MCM8: variants seen among roughly 807,000 people sequenced by gnomAD.
The protein encoded by MCM8 is minichromosome maintenance 8 homologous recombination repair factor, also known as DNA helicase MCM8.
A neutral mutation model predicts 98.9 loss-of-function variants in MCM8; 85 were observed. That is an observed-to-expected ratio of 0.86 (90% CI 0.72 to 1.03). MCM8 has a LOEUF of 1.03. MCM8 is among the 50% of genes least tolerant of loss of function. MCM8 has a pLI of 0.00. For synonymous variants in MCM8, 352 were observed against 338.6 expected (o/e 1.04, Z -0.44); for missense variants, 951 against 997.8 (o/e 0.95, Z 0.63).
intron 13 of MCM8, among the ~76,000 whole-genome samples, chr20:5,980,273 A>G (rs2089602848): frequency 2.0e-5 from 3 of 151,880 alleles, no homozygotes; most frequent in Admixed American, 1.3e-4. Context: ...TTACTTTTTT[A>G]TTGCCTGGAC....
At chr20:5,986,846 A>T (rs1161726043) in intron 16 of MCM8, among the ~76,000 whole-genome samples, 1 of 152,196 alleles carries the variant, frequency 6.6e-6, no homozygotes, top group Admixed American at 6.5e-5. Flanking sequence ...GTTTGCCCTG[A>T]GTCAGGGTCT....
intron 11 of MCM8, among the ~76,000 whole-genome samples, 164 bp from the exon 12 acceptor site, chr20:5,972,892 C>T (rs756320405): frequency 3.9e-5 from 6 of 152,150 alleles, no homozygotes; most frequent in Non-Finnish European, 8.8e-5. Context: ...TAATCATTTA[C>T]GTGATAGAAG....
At chr20:5,953,441 GTGT>G (rs2088885713) in intron 3 of MCM8, among the ~76,000 whole-genome samples, 3 of 14,580 alleles carry the variant, frequency 2.1e-4, no homozygotes, top group East Asian at 0.083. Flanking sequence ...CATGAGGGGT[GTGT>G]GTGTGTGTGT....
In MCM8 at chr20:5,972,978, A is replaced by G. The variant is rs898992540; in HGVS notation, c.1255-78A>G. 28 of 1,467,538 alleles carry G rather than the reference A, an allele frequency of 1.9e-5. No individual in the cohort carries two copies. In the African/African-American group the frequency reaches 3.8e-4, roughly 20 times the overall value. 90.9% of individuals were successfully genotyped at this position (1,467,538 alleles called of 1,614,324 possible). ...CAATCCCCAAACAAATTAATATTAT[A>G]GAAGGAGGAATACCCCCTTTACTAG... On this transcript the variant is annotated intron_variant, in intron 11 of 18. Transcript: ENST00000610722.
intron 10 of MCM8, among the ~76,000 whole-genome samples, chr20:5,970,256 G>T (rs1280385635): frequency 2.6e-5 from 4 of 152,304 alleles, no homozygotes; most frequent in Admixed American, 2.6e-4. Context: ...GAAAAAGTTT[G>T]TCAACCCAGC....
intron 6 of MCM8, among the ~76,000 whole-genome samples, chr20:5,957,790 C>A (rs1052204826): frequency 6.6e-6 from 1 of 152,122 alleles, no homozygotes; most frequent in African/African-American, 2.4e-5. Flanking sequence ...TTGTTAGATA[C>A]AAGGGAATAA....
intron 13 of MCM8, among the ~76,000 whole-genome samples, chr20:5,981,226 A>G (rs1038409460): frequency 2.0e-5 from 3 of 152,188 alleles, no homozygotes; most frequent in Non-Finnish European, 4.4e-5. Flanking sequence ...AATCTTGATA[A>G]TTTCCAGTAA....
At chr20:5,972,709 C>T (rs1282538053) in intron 11 of MCM8, 2 of 1,290,600 alleles carry the variant, frequency 1.5e-6, no homozygotes, top group African/African-American at 1.5e-5. Context: ...CATGCGCCAC[C>T]AGACCCAGCT....
intron 8 of MCM8, among the ~76,000 whole-genome samples, chr20:5,966,183 T>C (rs964037702): frequency 6.6e-6 from 1 of 152,144 alleles, no homozygotes; most frequent in Non-Finnish European, 1.5e-5. Context: ...GGACTTTTCC[T>C]CCTCTTTGTA....
chr20:5,985,820 A>G (rs758823589), intron 15 of MCM8, 102 bp from the exon 16 acceptor site: 3 of 1,148,292 alleles, frequency 2.6e-6, no homozygotes, highest in Non-Finnish European at 3.8e-6. Context: ...CGCAGGGATT[A>G]CAGGCGTGAG....
chr20:5,963,168 G>T (rs768799754), intron 7 of MCM8, 106 bp from the exon 8 acceptor site: 257 of 837,410 alleles, frequency 3.1e-4, no homozygotes, highest in Non-Finnish European at 4.7e-4. Context: ...AGCATCCTGA[G>T]ACCAACTTTT....
At position 5,997,019 on chromosome 20, in the gene MCM8, G is replaced by A. The variant is rs1023606624; in HGVS notation, c.*2628G>A. 2.6e-5 allele frequency: 4 copies of A among 152,326 alleles called. No individual in the cohort carries two copies. Among genetic ancestry groups the A allele is most frequent in the African/African-American group, 9.7e-5 (4 of 41,448 alleles). The allele number at this position is 152,326 out of a possible 1,614,324, so 9.4% of individuals were successfully genotyped here. A position where few individuals can be genotyped will look rare whatever the true frequency, so the allele number is the denominator to read the frequency against. On this transcript the variant is annotated 3_prime_UTR_variant, in exon 19 of 19. Coordinates refer to ENST00000610722, the MANE Select transcript of MCM8 (RefSeq NM_032485.6). ...ACTTTGGTGTTTCCTCATGTGGCCTGGTGTGGCATGGCACGCCCTCTTGGG... is the reference window on the plus strand; with the variant it reads ...ACTTTGGTGTTTCCTCATGTGGCCTAGTGTGGCATGGCACGCCCTCTTGGG...
chr20:5,992,750 T>G (rs954147413), intron 17 of MCM8, among the ~76,000 whole-genome samples: 4 of 152,208 alleles, frequency 2.6e-5, no homozygotes, highest in Admixed American at 6.5e-5. Context: ...TTCACCACTA[T>G]AAGCCTGTTG....
chr20:5,979,408 G>A (rs753030775), intron 13 of MCM8, among the ~76,000 whole-genome samples: 1 of 152,006 alleles, frequency 6.6e-6, no homozygotes, highest in Admixed American at 6.6e-5. Flanking sequence ...TTATAATCTC[G>A]TTTCCCTTAA....
At chr20:5,983,886 C>A (rs1009312612) in intron 14 of MCM8, among the ~76,000 whole-genome samples, 4 of 152,138 alleles carry the variant, frequency 2.6e-5, no homozygotes, top group African/African-American at 7.2e-5. Context: ...GGTATTGCAG[C>A]ATTATTGCTG....
At chr20:5,957,508 G>A (rs1216866858) in intron 6 of MCM8, among the ~76,000 whole-genome samples, 1 of 152,174 alleles carries the variant, frequency 6.6e-6, no homozygotes, top group African/African-American at 2.4e-5. Context: ...TGCTGTGTAA[G>A]TTTAATAATC....
At position 5,957,171 on chromosome 20, in the gene MCM8, C is replaced by G. The variant is rs766695443; in HGVS notation, c.532C>G (p.Gln178Glu). The G allele has an allele frequency of 9.9e-6, 16 of 1,613,456 alleles. No homozygotes were observed. The East Asian group carries it at 1.8e-4, about 18-fold the overall frequency. The change falls in exon 6 of 19, where the codon CAG (glutamine) becomes GAG (glutamate). Residue 178 changes from glutamine to glutamate, a missense_variant. Transcript: ENST00000610722. ...LERHAAELQA[Q>E]EGLSNDGETM... ...AAGGCATGCAGCTGAGTTACAAGCCCAGGAAGGATTGTCTAATGATGGAGA... is the reference window on the plus strand; with the variant it reads ...AAGGCATGCAGCTGAGTTACAAGCCGAGGAAGGATTGTCTAATGATGGAGA...
intron 13 of MCM8, 49 bp downstream of exon 13, chr20:5,978,066 C>A: frequency 6.3e-7 from 1 of 1,595,276 alleles, no homozygotes; most frequent in Non-Finnish European, 8.6e-7. Context: ...TTTTGAAAAG[C>A]CTTTTCCTTT....
chr20:5,973,777 C>T (rs1371779431), intron 12 of MCM8, among the ~76,000 whole-genome samples: 1 of 151,780 alleles, frequency 6.6e-6, no homozygotes, highest in Non-Finnish European at 1.5e-5. Flanking sequence ...GCCTCAGCCT[C>T]CTGAGTAGCT....
Sources: allele counts gnomAD v4.1 joint callset (sites outside exome capture counted in the v4.1 genomes callset), GRCh38; gene constraint gnomAD v4.1.1; transcripts MANE v1.5; gene names NCBI Gene and HGNC (gene_info 2026-07-23, HGNC 2026-07-21).